AGPAT5: variants seen among roughly 807,000 people sequenced by gnomAD.
AGPAT5 encodes the protein 1-acyl-sn-glycerol-3-phosphate acyltransferase epsilon.
AGPAT5 carries 46 observed loss-of-function variants against 45.6 expected under a neutral mutation model. That is an observed-to-expected ratio of 1.01 (90% confidence interval 0.80 to 1.29). The LOEUF (loss-of-function observed/expected upper bound fraction) is 1.29. AGPAT5 is among the 50% of genes most tolerant of loss of function. The pLI, the probability that AGPAT5 is intolerant of heterozygous loss-of-function variation, is 0.00. For synonymous variants in AGPAT5, 272 were observed against 167.0 expected (o/e 1.63, Z -4.85); for missense variants, 673 against 450.7 (o/e 1.49, Z -4.47).
At chr8:6,756,960 G>T (rs573295027) in intron 7 of AGPAT5, among the ~76,000 whole-genome samples, 1 of 152,304 alleles carries the variant, frequency 6.6e-6, no homozygotes, top group East Asian at 1.9e-4. Context: ...TACAATTCAT[G>T]TATACTAATC....
intron 4 of AGPAT5, among the ~76,000 whole-genome samples, chr8:6,735,299 C>G (rs1008197307): frequency 6.6e-6 from 1 of 152,190 alleles, no homozygotes; most frequent in African/African-American, 2.4e-5. Context: ...GCCCTGAGCC[C>G]TTCCCACAGG....
At chr8:6,719,642 A>G (rs1587006707) in intron 1 of AGPAT5, among the ~76,000 whole-genome samples, 2 of 152,148 alleles carry the variant, frequency 1.3e-5, no homozygotes, top group South Asian at 2.1e-4. Context: ...ATTACAGGAC[A>G]CCCCTGGAGA....
chr8:6,752,450 T>C (rs1393603092), intron 6 of AGPAT5, among the ~76,000 whole-genome samples: 1 of 152,208 alleles, frequency 6.6e-6, no homozygotes, highest in Non-Finnish European at 1.5e-5. Context: ...TGTCAGTATA[T>C]ATACTTCCGT....
chr8:6,741,629 A>G, intron 4 of AGPAT5, 32 bp from the exon 5 acceptor site: 1 of 1,521,654 alleles, frequency 6.6e-7, no homozygotes, highest in Non-Finnish European at 8.9e-7. Flanking sequence ...AAGCTCACAC[A>G]AAATAAACCA....
At chr8:6,755,927 A>G (rs1037447725) in intron 7 of AGPAT5, among the ~76,000 whole-genome samples, 5 of 152,164 alleles carry the variant, frequency 3.3e-5, no homozygotes, top group Non-Finnish European at 1.5e-5. Flanking sequence ...ACTTTGGCCC[A>G]TGGAAGAAAT....
intron 4 of AGPAT5, among the ~76,000 whole-genome samples, chr8:6,736,319 T>C (rs1801052867): frequency 6.6e-6 from 1 of 152,224 alleles, no homozygotes; most frequent in Admixed American, 6.5e-5. Flanking sequence ...TAAAATACAA[T>C]CCAGAATAGA....
rs935593265 is a variant in AGPAT5, at chr8:6,761,079, A to G, written c.*3691A>G. ...TGAGGTCAAAGACATATACCTTGTT[A>G]TTATAATATGTATACTATAATAATA... is the stretch of plus-strand genomic sequence containing the variant. On this transcript the variant is annotated 3_prime_UTR_variant, in exon 8 of 8. Transcript: ENST00000285518. 6.6e-6 allele frequency among the ~76,000 whole-genome samples: 1 copy of G among 152,228 alleles called. No individual in the cohort carries two copies. Among genetic ancestry groups the G allele is most frequent in the African/African-American group, 2.4e-5 (1 of 41,456 alleles).
intron 1 of AGPAT5, among the ~76,000 whole-genome samples, chr8:6,720,258 A>G (rs1587007459): frequency 2.3e-4 from 3 of 13,222 alleles, no homozygotes; most frequent in East Asian, 5.0e-3. Flanking sequence ...TCAACTTATC[A>G]AAAAAAAAAC....
chr8:6,748,163 T>C (rs1261746652), intron 6 of AGPAT5, among the ~76,000 whole-genome samples: 1 of 152,224 alleles, frequency 6.6e-6, no homozygotes, highest in East Asian at 1.9e-4. Context: ...GTGCACGTTA[T>C]TAGTCAGTGC....
intron 4 of AGPAT5, among the ~76,000 whole-genome samples, chr8:6,739,692 TGTTA>T (rs1242315665): frequency 1.4e-4 from 22 of 152,122 alleles, no homozygotes; most frequent in African/African-American, 5.1e-4. Flanking sequence ...ATCATGTCAT[TGTTA>T]TAGAAATAAC....
intron 1 of AGPAT5, among the ~76,000 whole-genome samples, chr8:6,720,996 G>T (rs2116869982): frequency 6.6e-6 from 1 of 152,242 alleles, no homozygotes; most frequent in Middle Eastern, 3.4e-3. Flanking sequence ...AGCTTATGAA[G>T]AAGGCTTTGC....
intron 1 of AGPAT5, among the ~76,000 whole-genome samples, chr8:6,710,693 G>T (rs980985922): frequency 2.0e-5 from 3 of 152,142 alleles, no homozygotes; most frequent in African/African-American, 7.2e-5. Context: ...TGGGTTTCCT[G>T]TGTACACAAA....
chr8:6,748,166 G>A (rs73508276), intron 6 of AGPAT5, among the ~76,000 whole-genome samples: 3,028 of 152,236 alleles, frequency 0.02, 103 homozygotes, highest in African/African-American at 0.069. Flanking sequence ...CACGTTATTA[G>A]TCAGTGCTGC....
chr8:6,732,097 G>T lies in AGPAT5; in HGVS notation c.406-464G>T, dbSNP rs181093525. Among the ~76,000 whole-genome samples, 96 of 152,248 alleles carry T rather than the reference G, an allele frequency of 6.3e-4. 2 individuals are homozygous for T. The highest frequency in any genetic ancestry group is 7.4e-5 in the Non-Finnish European group (5 of 68,010). On this transcript the variant is annotated intron_variant, in intron 3 of 7. Transcript: ENST00000285518. ...ATTAGGGCTTTAGTAGACTGATTTG[G>T]GGGAACACACTTCTGTCCGTAACAG...
At chr8:6,753,501 C>G (rs1233752129) in intron 6 of AGPAT5, among the ~76,000 whole-genome samples, 1 of 152,152 alleles carries the variant, frequency 6.6e-6, no homozygotes, top group Non-Finnish European at 1.5e-5. Context: ...ACTATAATAG[C>G]TAACACATAG....
Position 6,759,835 on chromosome 8 carries a change from G to A in AGPAT5, c.*2447G>A, listed in dbSNP as rs1323462637. ...ATCAAAACTGTTAAGCAGTATATTA[G>A]TTTGGTTATATAAATTCATCTGCAA... On this transcript the variant is annotated 3_prime_UTR_variant, in exon 8 of 8. Coordinates refer to ENST00000285518, the MANE Select transcript of AGPAT5 (RefSeq NM_018361.5). 6.6e-6 allele frequency among the ~76,000 whole-genome samples: 1 copy of A among 152,154 alleles called. No homozygotes were observed. The highest frequency in any genetic ancestry group is 1.5e-5 in the Non-Finnish European group (1 of 68,040).
chr8:6,713,882 C>A (rs534208627), intron 1 of AGPAT5, among the ~76,000 whole-genome samples: 1 of 152,206 alleles, frequency 6.6e-6, no homozygotes, highest in Non-Finnish European at 1.5e-5. Context: ...CAGAAACAGT[C>A]AAGGCTTTTT....
intron 1 of AGPAT5, among the ~76,000 whole-genome samples, chr8:6,721,706 G>C (rs1314933815): frequency 1.3e-5 from 2 of 152,200 alleles, no homozygotes; most frequent in African/African-American, 2.4e-5. Flanking sequence ...TTATGTTACA[G>C]TATAAGGGAG....
intron 4 of AGPAT5, among the ~76,000 whole-genome samples, chr8:6,733,415 A>C (rs1334667007): frequency 6.6e-6 from 1 of 152,144 alleles, no homozygotes; most frequent in African/African-American, 2.4e-5. Flanking sequence ...AGAATTCTTC[A>C]CGGTCAGCTG....
Sources: allele counts gnomAD v4.1 joint callset (sites outside exome capture counted in the v4.1 genomes callset), GRCh38; gene constraint gnomAD v4.1.1; transcripts MANE v1.5; gene names NCBI Gene and HGNC (gene_info 2026-07-23, HGNC 2026-07-21).